BLOC1S5: variants seen among roughly 807,000 people sequenced by gnomAD.
The protein encoded by BLOC1S5 is biogenesis of lysosome-related organelles complex 1 subunit 5.
In BLOC1S5, 27 loss-of-function variants were observed where a neutral mutation model predicts 24.3. That is an observed-to-expected ratio of 1.11 (90% CI 0.82 to 1.53). BLOC1S5 has a LOEUF of 1.53. BLOC1S5 is among the 40% of genes most tolerant of loss of function. BLOC1S5 has a pLI of 0.00. For synonymous variants in BLOC1S5, 84 were observed against 74.5 expected, an observed-to-expected ratio of 1.13 and a Z score of -0.66; for missense variants, 239 against 229.4, an observed-to-expected ratio of 1.04 and a Z score of -0.27.
rs55949249 is a variant in BLOC1S5, at chr6:8,041,312, CTTTTTTT to C, written c.196-51_196-45del. ...TGACTAATAAATATGGTGTCTTTTC[CTTTTTTT>C]TTTTTTTTTTTGAAATGGAGTCTCG... On this transcript the variant is annotated intron_variant, in intron 2 of 4. Coordinates refer to ENST00000397457, the MANE Select transcript of BLOC1S5 (RefSeq NM_201280.3). The C allele has an allele frequency of 6.5e-5, 70 of 1,081,680 alleles. No homozygotes were observed. The East Asian group carries it at 6.9e-4, about 11-fold the overall frequency. 67.0% of individuals were successfully genotyped at this position (1,081,680 alleles called of 1,614,324 possible). A position where few individuals can be genotyped will look rare whatever the true frequency, so the allele number is the denominator to read the frequency against.
Position 8,017,086 on chromosome 6 carries a change from T to C in BLOC1S5, c.385-1258A>G, listed in dbSNP as rs1245344614. On this transcript the variant is annotated intron_variant, in intron 4 of 4. Transcript: ENST00000397457. ...AATAAAAAAGGTATGAATTTAGTTT[T>C]CTCCCCCCTTCCAAAGTACAATTTC... 2.0e-5 allele frequency among the ~76,000 whole-genome samples: 3 copies of C among 152,120 alleles called. No individual in the cohort carries two copies. The South Asian group carries it at 6.2e-4, about 32-fold the overall frequency.
chr6:8,031,497 AT>A (rs144051191), intron 3 of BLOC1S5, among the ~76,000 whole-genome samples: 3,100 of 152,332 alleles, frequency 0.02, 43 homozygotes, highest in Non-Finnish European at 0.031. Context: ...AATACATCCC[AT>A]GCTCATGGAT....
intron 2 of BLOC1S5, among the ~76,000 whole-genome samples, chr6:8,044,802 G>A (rs1476551142): frequency 6.6e-6 from 1 of 152,176 alleles, no homozygotes; most frequent in Non-Finnish European, 1.5e-5. Context: ...AGTATCTGGT[G>A]GAAGAAATTT....
intron 2 of BLOC1S5, among the ~76,000 whole-genome samples, chr6:8,042,403 C>G (rs1763724740): frequency 6.6e-6 from 1 of 152,150 alleles, no homozygotes; most frequent in Non-Finnish European, 1.5e-5. Flanking sequence ...TTAGAAAGGC[C>G]TCCTCATAAG....
intron 2 of BLOC1S5, chr6:8,054,441 T>G (rs1030731938): frequency 3.3e-5 from 10 of 301,658 alleles, no homozygotes; most frequent in African/African-American, 2.2e-4. Flanking sequence ...TCATTTTGGT[T>G]GGCTGAAATT....
intron 2 of BLOC1S5, among the ~76,000 whole-genome samples, chr6:8,060,269 C>G (rs547692029): frequency 6.1e-4 from 93 of 152,112 alleles, no homozygotes; most frequent in African/African-American, 2.1e-3. Flanking sequence ...CTGTAACAAT[C>G]GTGATGTGTT....
At chr6:8,049,307 G>T (rs903239721) in intron 2 of BLOC1S5, among the ~76,000 whole-genome samples, 2 of 151,856 alleles carry the variant, frequency 1.3e-5, no homozygotes, top group Non-Finnish European at 2.9e-5. Flanking sequence ...GGAGATGGAG[G>T]CTGCAGTGAG....
chr6:8,056,525 G>A (rs1053111834), intron 2 of BLOC1S5, among the ~76,000 whole-genome samples: 2 of 152,200 alleles, frequency 1.3e-5, no homozygotes, highest in African/African-American at 4.8e-5. Flanking sequence ...TCTCCAGATG[G>A]TATTGTAATC....
At chr6:8,047,813 G>A (rs1475985547) in intron 2 of BLOC1S5, among the ~76,000 whole-genome samples, 1 of 152,104 alleles carries the variant, frequency 6.6e-6, no homozygotes, top group Non-Finnish European at 1.5e-5. Context: ...TTCAGACATG[G>A]GTTGTATACT....
At chr6:8,064,010 G>C (rs1561874446) in intron 1 of BLOC1S5, among the ~76,000 whole-genome samples, 1 of 152,244 alleles carries the variant, frequency 6.6e-6, no homozygotes, top group Non-Finnish European at 1.5e-5. Flanking sequence ...TGAGCTTGCG[G>C]AATGGACGGG....
intron 2 of BLOC1S5, among the ~76,000 whole-genome samples, chr6:8,050,905 G>A (rs1581428690): frequency 6.6e-6 from 1 of 151,872 alleles, no homozygotes; most frequent in African/African-American, 2.4e-5. Flanking sequence ...GTGCCCAGTG[G>A]AAAAGGAAGA....
chr6:8,052,702 C>G (rs1764158732), intron 2 of BLOC1S5, among the ~76,000 whole-genome samples: 1 of 151,988 alleles, frequency 6.6e-6, no homozygotes, highest in South Asian at 2.1e-4. Context: ...ATCATCCTGG[C>G]TAACATGGTG....
intron 2 of BLOC1S5, among the ~76,000 whole-genome samples, chr6:8,049,141 T>C (rs937886273): frequency 2.7e-5 from 4 of 150,882 alleles, no homozygotes; most frequent in Non-Finnish European, 5.9e-5. Flanking sequence ...GAGGCCGAGA[T>C]GGGCAGATCA....
intron 3 of BLOC1S5, among the ~76,000 whole-genome samples, chr6:8,036,966 C>A (rs1299841695): frequency 6.6e-6 from 1 of 152,116 alleles, no homozygotes; most frequent in Admixed American, 6.5e-5. Context: ...AAACTCTCAA[C>A]AAACTGGGTA....
At chr6:8,017,241 A>G (rs1178229117) in intron 4 of BLOC1S5, among the ~76,000 whole-genome samples, 2 of 152,224 alleles carry the variant, frequency 1.3e-5, no homozygotes, top group Non-Finnish European at 2.9e-5. Context: ...AGGTTCTATT[A>G]AACAAACAAA....
intron 2 of BLOC1S5, among the ~76,000 whole-genome samples, chr6:8,059,929 T>A (rs1192277909): frequency 6.6e-6 from 1 of 152,240 alleles, no homozygotes; most frequent in Non-Finnish European, 1.5e-5. Flanking sequence ...GGTGGGACTA[T>A]GTCTGTCTTA....
intron 4 of BLOC1S5, among the ~76,000 whole-genome samples, chr6:8,018,386 T>C (rs1307419303): frequency 6.6e-6 from 1 of 152,240 alleles, no homozygotes; most frequent in African/African-American, 2.4e-5. Flanking sequence ...ATACAGAGAA[T>C]GTTAAACATG....
chr6:8,041,655 C>CTTTTTTT (rs1554139177), intron 2 of BLOC1S5, among the ~76,000 whole-genome samples: 1 of 111,870 alleles, frequency 8.9e-6, no homozygotes, highest in Non-Finnish European at 1.8e-5. Context: ...TTCTTTCTTT[C>CTTTTTTT]TTTTTTTTTG....
intron 2 of BLOC1S5, among the ~76,000 whole-genome samples, chr6:8,056,645 G>GA (rs1764319833): frequency 6.6e-6 from 1 of 152,156 alleles, no homozygotes; most frequent in African/African-American, 2.4e-5. Context: ...ACTAAGAACA[G>GA]AGAGTGGAGC....
Sources: allele counts gnomAD v4.1 joint callset (sites outside exome capture counted in the v4.1 genomes callset), GRCh38; gene constraint gnomAD v4.1.1; transcripts MANE v1.5; gene names NCBI Gene and HGNC (gene_info 2026-07-23, HGNC 2026-07-21).